ASXL3: variants seen among roughly 807,000 people sequenced by gnomAD.
ASXL3 encodes the protein ASXL transcriptional regulator 3.
Under a neutral mutation model 170.6 loss-of-function variants are expected in ASXL3, and 34 were observed. That is an observed-to-expected ratio of 0.20 (90% CI 0.15 to 0.27). The LOEUF is 0.27. ASXL3 is among the 10% of genes least tolerant of loss of function. The pLI, the probability that ASXL3 is intolerant of heterozygous loss-of-function variation, is 1.00. For synonymous variants in ASXL3, 1,002 were observed against 989.1 expected, an observed-to-expected ratio of 1.01 and a Z score of -0.24; for missense variants, 2,592 against 2,695.3, an observed-to-expected ratio of 0.96 and a Z score of 0.85.
intron 1 of ASXL3, among the ~76,000 whole-genome samples, chr18:33,592,403 A>C (rs1262394104): frequency 6.6e-6 from 1 of 152,092 alleles, no homozygotes; most frequent in Non-Finnish European, 1.5e-5. Context: ...CTCCTTAGGG[A>C]CATGTGGTGG....
intron 2 of ASXL3, among the ~76,000 whole-genome samples, chr18:33,638,056 T>C (rs147834046): frequency 0.014 from 2,104 of 151,988 alleles, 30 homozygotes; most frequent in Non-Finnish European, 0.02. Context: ...TTCTTAATGA[T>C]CCAGTTTAAT....
At chr18:33,724,067 C>G (rs2067305938) in intron 8 of ASXL3, among the ~76,000 whole-genome samples, 1 of 151,970 alleles carries the variant, frequency 6.6e-6, no homozygotes, top group African/African-American at 2.4e-5. Flanking sequence ...ACTGGGAAAC[C>G]AAAACGTTTA....
At chr18:33,683,647 C>G in intron 8 of ASXL3, 79 bp downstream of exon 8, 1 of 1,339,184 alleles carries the variant, frequency 7.5e-7, no homozygotes, top group Non-Finnish European at 1.0e-6. Context: ...TCAAAGATGA[C>G]TTATATATGG....
intron 8 of ASXL3, among the ~76,000 whole-genome samples, chr18:33,691,368 C>T (rs2066683786): frequency 6.6e-6 from 1 of 152,108 alleles, no homozygotes; most frequent in Admixed American, 6.6e-5. Flanking sequence ...TAGGCCATAC[C>T]TTTTTAAGTC....
chr18:33,594,575 T>C (rs1217453687), intron 1 of ASXL3, among the ~76,000 whole-genome samples: 1 of 152,196 alleles, frequency 6.6e-6, no homozygotes, highest in African/African-American at 2.4e-5. Context: ...AAACCAGTCC[T>C]GCTTGCTTAT....
chr18:33,743,536 C>T lies in ASXL3; in HGVS notation c.3688C>T (p.Leu1230Phe), dbSNP rs2145425277. 5 of 1,613,308 alleles carry T rather than the reference C, an allele frequency of 3.1e-6. No homozygotes were observed. Among genetic ancestry groups the T allele is most frequent in the Non-Finnish European group, 4.2e-6 (5 of 1,179,878 alleles). ...TSSENSSVPMLFNKNSVPVSV... is the reference protein window; with the variant it reads ...TSSENSSVPMFFNKNSVPVSV... ...TTCTGAAAATAGCAGTGTGCCCATG[C>T]TTTTTAATAAAAATTCTGTCCCTGT... Residue 1230 changes from leucine (L) to phenylalanine (F), a missense_variant, in exon 12 of 12, where the codon CTT becomes TTT. By Grantham distance (22) the Leu-to-Phe change is conservative (BLOSUM62 0). Coordinates refer to ENST00000269197, the MANE Select transcript of ASXL3 (RefSeq NM_030632.3).
chr18:33,633,298 T>C (rs1599421676), intron 2 of ASXL3, among the ~76,000 whole-genome samples: 1 of 152,216 alleles, frequency 6.6e-6, no homozygotes, highest in East Asian at 1.9e-4. Flanking sequence ...CTCTTTATTG[T>C]AGCACTTTTT....
chr18:33,640,743 CATT>C (rs1024134800), intron 2 of ASXL3, among the ~76,000 whole-genome samples: 10 of 151,924 alleles, frequency 6.6e-5, no homozygotes, highest in Non-Finnish European at 1.0e-4. Context: ...TTGAAAGAAG[CATT>C]ATTAATTTTT....
chr18:33,675,240 G>A (rs2066406888), intron 7 of ASXL3, among the ~76,000 whole-genome samples: 1 of 152,184 alleles, frequency 6.6e-6, no homozygotes, highest in Non-Finnish European at 1.5e-5. Context: ...ATGATCCTGT[G>A]TTTGTGGAGA....
intron 8 of ASXL3, among the ~76,000 whole-genome samples, chr18:33,701,544 G>A (rs1317087639): frequency 6.6e-6 from 1 of 151,974 alleles, no homozygotes; most frequent in Non-Finnish European, 1.5e-5. Flanking sequence ...TTCTTTTAGT[G>A]TTATTGTATA....
At chr18:33,600,572 CT>C (rs1489217422) in intron 1 of ASXL3, among the ~76,000 whole-genome samples, 1 of 152,012 alleles carries the variant, frequency 6.6e-6, no homozygotes, top group Non-Finnish European at 1.5e-5. Context: ...TCTTTTCTTA[CT>C]TTTTAGAACA....
chr18:33,689,264 G>T (rs1599497540), intron 8 of ASXL3, among the ~76,000 whole-genome samples: 1 of 152,166 alleles, frequency 6.6e-6, no homozygotes, highest in Non-Finnish European at 1.5e-5. Flanking sequence ...AAAGTGCTGG[G>T]ATTACAGGCA....
chr18:33,700,140 T>C (rs1299170418), intron 8 of ASXL3, among the ~76,000 whole-genome samples: 1 of 152,008 alleles, frequency 6.6e-6, no homozygotes, highest in East Asian at 1.9e-4. Flanking sequence ...GATGGGGTTT[T>C]GTTTGGTTTA....
chr18:33,725,781 G>T (rs973183529), intron 8 of ASXL3, among the ~76,000 whole-genome samples: 4 of 152,090 alleles, frequency 2.6e-5, no homozygotes, highest in Non-Finnish European at 5.9e-5. Context: ...GTGCCAGCAT[G>T]TACTCAGTTA....
chr18:33,736,859 A>G (rs1036444572), intron 10 of ASXL3, among the ~76,000 whole-genome samples: 1 of 152,148 alleles, frequency 6.6e-6, no homozygotes, highest in African/African-American at 2.4e-5. Flanking sequence ...AAATAAGAAA[A>G]TGTTGACATG....
chr18:33,683,679 A>G (rs1318834648), intron 8 of ASXL3, 111 bp downstream of exon 8: 3 of 1,128,900 alleles, frequency 2.7e-6, no homozygotes, highest in African/African-American at 1.6e-5. Flanking sequence ...TCTGTAATTT[A>G]TGCATTTCTA....
At chr18:33,681,175 T>C (rs2066508157) in intron 7 of ASXL3, among the ~76,000 whole-genome samples, 1 of 152,262 alleles carries the variant, frequency 6.6e-6, no homozygotes, top group South Asian at 2.1e-4. Context: ...CATACAGTTA[T>C]TGTGAATTAT....
chr18:33,586,796 A>G (rs1237536685), intron 1 of ASXL3, among the ~76,000 whole-genome samples: 1 of 152,174 alleles, frequency 6.6e-6, no homozygotes, highest in African/African-American at 2.4e-5. Context: ...TATTGTGGAT[A>G]TTTCAAATGA....
intron 1 of ASXL3, among the ~76,000 whole-genome samples, chr18:33,597,600 A>T (rs2065140093): frequency 6.6e-6 from 1 of 152,094 alleles, no homozygotes; most frequent in Non-Finnish European, 1.5e-5. Flanking sequence ...TACCTTTTAC[A>T]TTGTAATAGT....
Sources: gnomAD v4.1 joint callset for allele counts (sites outside exome capture counted in the v4.1 genomes callset) on GRCh38, gnomAD v4.1.1 for gene constraint, MANE v1.5 for transcripts, NCBI Gene and HGNC (gene_info 2026-07-23, HGNC 2026-07-21) for gene names.